Variants in MYLK3 observed in about 807,000 individuals in gnomAD.
MYLK3 encodes the protein myosin light chain kinase 3, also known as MLC kinase.
A neutral mutation model predicts 76.3 loss-of-function variants in MYLK3; 55 were observed. The ratio of observed to expected loss-of-function variants is 0.72; its 90% CI spans 0.58 to 0.90. The LOEUF (loss-of-function observed/expected upper bound fraction) is 0.90, where lower values mean the gene tolerates loss of function less well. Ranked by LOEUF, MYLK3 falls within the 40% of genes least tolerant of loss-of-function variation. MYLK3 has a pLI of 0.00. For missense variants in MYLK3, 973 were observed against 1,053.6 expected, an observed-to-expected ratio of 0.92 and a Z score of 1.06; for synonymous variants, 416 against 425.4, an observed-to-expected ratio of 0.98 and a Z score of 0.27.
At chr16:46,720,825 C>T (rs1966791506) in intron 9 of MYLK3, among the ~76,000 whole-genome samples, 1 of 152,180 alleles carries the variant, frequency 6.6e-6, no homozygotes, top group Non-Finnish European at 1.5e-5. Flanking sequence ...AACTAAGCAG[C>T]CCAGCACCTC....
chr16:46,752,194 G>A (rs951631452), upstream of MYLK3, among the ~76,000 whole-genome samples: 4 of 152,034 alleles, frequency 2.6e-5, no homozygotes, highest in African/African-American at 7.2e-5. Flanking sequence ...TAACAGTCTC[G>A]GGGATCATGG....
chr16:46,737,865 C>A lies in MYLK3; in HGVS notation c.847G>T (p.Gly283Cys). 1.2e-6 allele frequency: 2 copies of A among 1,614,162 alleles called. No individual in the cohort carries two copies. Among genetic ancestry groups the A allele is most frequent in the Non-Finnish European group, 1.7e-6 (2 of 1,180,038 alleles). Residue 283 changes from glycine (G) to cysteine (C), a missense_variant, in exon 3 of 13, where the codon GGT becomes TGT. Transcript: ENST00000394809. ...VVSPSLEVAPGAGQGASSSRP... is the reference protein window; with the variant it reads ...VVSPSLEVAPCAGQGASSSRP... ...CTGGACGATGCTCCTTGTCCTGCACCTGGTGCAACCTCCAGGCTCGGGGAG... is the reference window on the plus strand; with the variant it reads ...CTGGACGATGCTCCTTGTCCTGCACATGGTGCAACCTCCAGGCTCGGGGAG...
rs998840467 is a variant in MYLK3, at chr16:46,704,373, C to T, written c.*3331G>A. 2 of 152,216 alleles carry T rather than the reference C, an allele frequency of 1.3e-5. No individual in the cohort carries two copies. The highest frequency in any genetic ancestry group is 6.5e-5 in the Admixed American group (1 of 15,278). 9.4% of individuals were successfully genotyped at this position (152,216 alleles called of 1,614,324 possible). A position where few individuals can be genotyped will look rare whatever the true frequency, so the allele number is the denominator to read the frequency against. On this transcript the variant is annotated 3_prime_UTR_variant, in exon 13 of 13. Coordinates refer to ENST00000394809, the MANE Select transcript of MYLK3 (RefSeq NM_182493.3). ...GGATTACAGATGTGAGCCACCATGC[C>T]TAGCCTTGACATGTGTTTTTAAGTG... is the stretch of plus-strand genomic sequence containing the variant.
Position 46,737,948 on chromosome 16 carries a change from C to T in MYLK3, c.764G>A (p.Ser255Asn), listed in dbSNP as rs373194962. 9.3e-6 allele frequency: 15 copies of T among 1,614,216 alleles called. No homozygotes were observed. Among genetic ancestry groups the T allele is most frequent in the Non-Finnish European group, 1.3e-5 (15 of 1,180,038 alleles). Residue 255 changes from serine to asparagine, a missense_variant, in exon 3 of 13, where the codon AGC (serine) becomes AAC (asparagine). Ser to Asn is a conservative substitution (Grantham distance 46). Coordinates refer to ENST00000394809, the MANE Select transcript of MYLK3 (RefSeq NM_182493.3). The stretch of plus-strand genomic sequence containing the variant: ...TTCCAGGCCAGTCCTGAGGTTCTCG[C>T]TGGGTGTCTCAGGAGCCTTGGCTTC... ...KVEAKAPETP[S>N]ENLRTGLELA...
chr16:46,732,817 G>A (rs763228998), intron 3 of MYLK3, 149 bp from the exon 4 acceptor site: 22 of 623,058 alleles, frequency 3.5e-5, no homozygotes, highest in Non-Finnish European at 5.0e-5. Flanking sequence ...TGACTTCAGT[G>A]ACAGTTGGTG....
In MYLK3 at chr16:46,732,608, G is replaced by T. The variant is rs373863518; in HGVS notation, c.1062C>A (p.Gly354=). 7 of 1,575,742 alleles carry T rather than the reference G, an allele frequency of 4.4e-6. No homozygotes were observed. In the African/African-American group the frequency reaches 8.1e-5, roughly 18 times the overall value. ...TPGEMLMTGR[G]SLGPTLTTEA... ...CTGTGGTGAGGGTGGGTCCAAGGCT[G>T]CCCCTGCCTGTCATCAGCATCTCCC... Residue 354 remains glycine, a synonymous_variant, in exon 4 of 13, where the codon GGC becomes GGA. Coordinates refer to ENST00000394809, the MANE Select transcript of MYLK3 (RefSeq NM_182493.3).
At chr16:46,737,031 C>T (rs910978270) in intron 3 of MYLK3, among the ~76,000 whole-genome samples, 2 of 152,240 alleles carry the variant, frequency 1.3e-5, no homozygotes, top group African/African-American at 4.8e-5. Context: ...GCTGACTCAG[C>T]CTGCACTCCT....
chr16:46,714,185 C>T (rs187960032), intron 9 of MYLK3, among the ~76,000 whole-genome samples: 2 of 152,126 alleles, frequency 1.3e-5, no homozygotes, highest in Non-Finnish European at 2.9e-5. Context: ...TTGCCAGATA[C>T]TATGCTAAAA....
Position 46,729,140 on chromosome 16 carries a change from G to T in MYLK3, c.1663-7C>A. The T allele has an allele frequency of 6.2e-7, 1 of 1,609,254 alleles. No individual in the cohort carries two copies. On this transcript the variant is annotated splice_region_variant and splice_polypyrimidine_tract_variant and intron_variant, in intron 6 of 12. Transcript: ENST00000394809. Reference sequence around the variant, plus strand: ...TCTCGTTCTTCACGTCCTCCTTGGGGGAACCAGAGGACAGAAGGATTTCCA... The same window carrying T: ...TCTCGTTCTTCACGTCCTCCTTGGGTGAACCAGAGGACAGAAGGATTTCCA...
intron 9 of MYLK3, among the ~76,000 whole-genome samples, chr16:46,717,592 GC>G (rs779376753): frequency 1.2e-4 from 18 of 151,174 alleles, no homozygotes; most frequent in South Asian, 4.2e-4. Context: ...CTCACAGGGC[GC>G]CCCCCCCACC....
chr16:46,760,520 C>T (rs758098791), intron 1 of MYLK3, among the ~76,000 whole-genome samples: 3 of 152,158 alleles, frequency 2.0e-5, no homozygotes, highest in Non-Finnish European at 2.9e-5. Flanking sequence ...GTGAGGTTAA[C>T]ACATAGGAAC....
chr16:46,711,466 C>T (rs1464698832), intron 10 of MYLK3: 1 of 219,226 alleles, frequency 4.6e-6, no homozygotes. Context: ...CTGCCCTGCC[C>T]CCCACCCCCT....
Position 46,730,717 on chromosome 16 carries a change from G to A in MYLK3, c.1463-19C>T, listed in dbSNP as rs984238849. On this transcript the variant is annotated intron_variant, in intron 4 of 12. Coordinates refer to ENST00000394809, the MANE Select transcript of MYLK3 (RefSeq NM_182493.3). ...CTGTCATCTGCTCAGGAGGCAATAA[G>A]GACCTGTGAGCCTCCTCTGTGCAGC... The A allele has an allele frequency of 6.2e-7, 1 of 1,610,420 alleles. No homozygotes were observed. The highest frequency in any genetic ancestry group is 8.5e-7 in the Non-Finnish European group (1 of 1,176,950).
At position 46,732,412 on chromosome 16, in the gene MYLK3, C is replaced by A. The variant is rs1353123562; in HGVS notation, c.1258G>T (p.Ala420Ser). 1 of 1,613,418 alleles carries A rather than the reference C, an allele frequency of 6.2e-7. No individual in the cohort carries two copies. The highest frequency in any genetic ancestry group is 8.5e-7 in the Non-Finnish European group (1 of 1,180,022). ...GGTCTCGTGCCAGGCTCGGCCCCAG[C>A]CCTTTGCTCCTCCTCTGCCTTCACT... ...GGVKAEEEQRAGAEPGTRPSL... is the reference protein window; with the variant it reads ...GGVKAEEEQRSGAEPGTRPSL... Residue 420 changes from alanine to serine, a missense_variant, in exon 4 of 13, where the codon GCT (alanine) becomes TCT (serine). Physicochemically the swap from Ala to Ser is moderately conservative, Grantham distance 99 (BLOSUM62 1). Coordinates refer to ENST00000394809, the MANE Select transcript of MYLK3 (RefSeq NM_182493.3).
intron 9 of MYLK3, among the ~76,000 whole-genome samples, chr16:46,713,499 G>A (rs1966706297): frequency 6.6e-6 from 1 of 152,096 alleles, no homozygotes; most frequent in Non-Finnish European, 1.5e-5. Context: ...CACCCAGCCG[G>A]TATATATGAT....
chr16:46,739,935 A>T lies in MYLK3; in HGVS notation c.568+122T>A, dbSNP rs565255390. The T allele has an allele frequency of 1.5e-4, 110 of 712,836 alleles. No individual in the cohort carries two copies. The South Asian group carries it at 2.3e-3, about 15-fold the overall frequency. The allele number at this position is 712,836 out of a possible 1,614,324, so 44.2% of individuals were successfully genotyped here. On this transcript the variant is annotated intron_variant, in intron 2 of 12. Transcript: ENST00000394809. ...ATATATGACAAAAAACCCTGCAAAA[A>T]CAAGAAAAAAAGAAGCTTTGACAGT...
At chr16:46,727,984 A>G (rs991779633) in intron 7 of MYLK3, among the ~76,000 whole-genome samples, 1 of 152,368 alleles carries the variant, frequency 6.6e-6, no homozygotes, top group East Asian at 1.9e-4. Context: ...CTGTGAACTC[A>G]TTCACCTATG....
At chr16:46,710,970 C>T (rs993259287) in intron 10 of MYLK3, 181 bp from the exon 11 acceptor site, 75 of 674,536 alleles carry the variant, frequency 1.1e-4, no homozygotes, top group Middle Eastern at 7.5e-4. Flanking sequence ...AGGGAGGAAG[C>T]GGAAGGATTT....
At chr16:46,751,944 T>A (rs1967131084), upstream of MYLK3, among the ~76,000 whole-genome samples, 1 of 152,076 alleles carries the variant, frequency 6.6e-6, no homozygotes, top group Non-Finnish European at 1.5e-5. Flanking sequence ...AGTTTTTGGG[T>A]GATGGTGCTT....
Sources: gnomAD v4.1 joint callset for allele counts (sites outside exome capture counted in the v4.1 genomes callset) on GRCh38, gnomAD v4.1.1 for gene constraint, MANE v1.5 for transcripts, NCBI Gene and HGNC (gene_info 2026-07-23, HGNC 2026-07-21) for gene names.